The following DOCK2 variants were observed in gnomAD, a reference collection of about 807,000 sequenced individuals.
The protein encoded by DOCK2 is dedicator of cytokinesis 2, also known as dedicator of cytokinesis protein 2.
Under a neutral mutation model 248.9 loss-of-function variants are expected in DOCK2, and 87 were observed. That is an observed-to-expected ratio of 0.35 (90% CI 0.29 to 0.42). The LOEUF (loss-of-function observed/expected upper bound fraction) is 0.42, where lower values mean the gene tolerates loss of function less well. DOCK2 is among the 10% of genes least tolerant of loss of function. The pLI is 1.00. For synonymous variants in DOCK2, 805 were observed against 821.6 expected (o/e 0.98, Z 0.35); for missense variants, 1,747 against 2,300.2 (o/e 0.76, Z 4.92).
intron 27 of DOCK2, among the ~76,000 whole-genome samples, chr5:169,972,902 C>A (rs1777575819): frequency 6.6e-6 from 1 of 152,098 alleles, no homozygotes; most frequent in Non-Finnish European, 1.5e-5. Context: ...TCCAAGCAAC[C>A]ACCCCCCTCC....
At chr5:169,909,403 T>C (rs984802399) in intron 27 of DOCK2, among the ~76,000 whole-genome samples, 1 of 152,202 alleles carries the variant, frequency 6.6e-6, no homozygotes, top group Non-Finnish European at 1.5e-5. Flanking sequence ...TTCAGAAAGA[T>C]GCTATCCAAT....
chr5:170,023,001 C>T (rs1424603044), intron 33 of DOCK2, among the ~76,000 whole-genome samples: 3 of 152,116 alleles, frequency 2.0e-5, no homozygotes, highest in East Asian at 1.9e-4. Flanking sequence ...CCCCTTGCCC[C>T]GAGTACACCA....
intron 25 of DOCK2, among the ~76,000 whole-genome samples, chr5:169,787,951 G>A (rs1766090524): frequency 6.6e-6 from 1 of 151,674 alleles, no homozygotes; most frequent in South Asian, 2.1e-4. Flanking sequence ...TTTTTTTGTA[G>A]GGGGCAGCCG....
chr5:169,772,926 T>A (rs1432783749), intron 25 of DOCK2: 1 of 152,226 alleles, frequency 6.6e-6, no homozygotes, highest in Non-Finnish European at 1.5e-5. Flanking sequence ...CAGTGCCTCA[T>A]GTGCTGGAGC....
At chr5:170,019,504 C>T (rs924336375) in intron 33 of DOCK2, among the ~76,000 whole-genome samples, 4 of 152,128 alleles carry the variant, frequency 2.6e-5, no homozygotes, top group African/African-American at 4.8e-5. Context: ...CTAGAAAACG[C>T]CGGCCCTGCT....
At chr5:169,878,682 A>C (rs1422150570) in intron 27 of DOCK2, among the ~76,000 whole-genome samples, 1 of 152,210 alleles carries the variant, frequency 6.6e-6, no homozygotes, top group Non-Finnish European at 1.5e-5. Flanking sequence ...TAAGTAATTT[A>C]ATGTTATTTA....
intron 27 of DOCK2, among the ~76,000 whole-genome samples, chr5:169,848,229 A>T (rs577049891): frequency 6.6e-6 from 1 of 152,230 alleles, no homozygotes; most frequent in Admixed American, 6.5e-5. Context: ...GCCCTCACAC[A>T]CAGGTAGGCA....
chr5:169,793,291 T>C (rs1766463712), intron 25 of DOCK2, among the ~76,000 whole-genome samples: 1 of 152,178 alleles, frequency 6.6e-6, no homozygotes, highest in Admixed American at 6.5e-5. Flanking sequence ...GTTCATCGAC[T>C]TCCCTCTGTA....
rs570730423 is a variant in DOCK2 at position 169,650,451 on chromosome 5, C to G, written c.44-3952C>G. On this transcript the variant is annotated intron_variant, in intron 1 of 51. Coordinates refer to ENST00000520908, the MANE Select transcript of DOCK2 (RefSeq NM_004946.3). The stretch of plus-strand genomic sequence containing the variant: ...ATTGAACTTATCTCCTAAAATTGCA[C>G]AAAGCACAGAGACCCTTCTTTAGTT... 1.1e-4 allele frequency among the ~76,000 whole-genome samples: 16 copies of G among 152,282 alleles called. No individual in the cohort carries two copies. The South Asian group carries it at 3.3e-3, about 32-fold the overall frequency.
chr5:169,967,263 C>T (rs1269543601), intron 27 of DOCK2, among the ~76,000 whole-genome samples: 1 of 152,128 alleles, frequency 6.6e-6, no homozygotes, highest in Non-Finnish European at 1.5e-5. Flanking sequence ...ATCCCAGAAG[C>T]CTTTCCAGAT....
intron 35 of DOCK2, among the ~76,000 whole-genome samples, chr5:170,035,840 T>G (rs1337508707): frequency 6.6e-6 from 1 of 152,132 alleles, no homozygotes; most frequent in Non-Finnish European, 1.5e-5. Flanking sequence ...AACCAGGATA[T>G]ACACCTGGTG....
chr5:169,811,389 C>T (rs538366454), intron 26 of DOCK2, among the ~76,000 whole-genome samples: 88 of 152,338 alleles, frequency 5.8e-4, no homozygotes, highest in African/African-American at 2.0e-3. Flanking sequence ...GGGTTTTCTT[C>T]TAACCTATCT....
intron 27 of DOCK2, among the ~76,000 whole-genome samples, chr5:169,855,066 C>T (rs568037893): frequency 3.9e-5 from 6 of 152,216 alleles, no homozygotes; most frequent in Non-Finnish European, 7.3e-5. Flanking sequence ...CTCCAGCCTT[C>T]ACCACCTCCT....
chr5:169,987,528 G>A (rs183465002), intron 29 of DOCK2, among the ~76,000 whole-genome samples: 57 of 152,304 alleles, frequency 3.7e-4, no homozygotes, highest in Middle Eastern at 3.4e-3. Flanking sequence ...AGGGTCTTGG[G>A]GTTGGAGCCC....
At chr5:169,898,212 G>A (rs542248432) in intron 27 of DOCK2, among the ~76,000 whole-genome samples, 1 of 152,318 alleles carries the variant, frequency 6.6e-6, no homozygotes, top group East Asian at 1.9e-4. Flanking sequence ...GGCTCCCACA[G>A]CTCTACCCCA....
chr5:169,789,133 G>A (rs1766169497), intron 25 of DOCK2, among the ~76,000 whole-genome samples: 1 of 152,124 alleles, frequency 6.6e-6, no homozygotes, highest in South Asian at 2.1e-4. Context: ...AAGGATAATG[G>A]CCTCCAGCTC....
chr5:170,054,874 C>G (rs1029324952), intron 41 of DOCK2, among the ~76,000 whole-genome samples: 2 of 152,126 alleles, frequency 1.3e-5, no homozygotes. Flanking sequence ...AGTTGTGTGA[C>G]CTTCAACAAG....
At chr5:169,803,490 C>T (rs749074829) in intron 26 of DOCK2, among the ~76,000 whole-genome samples, 8 of 152,326 alleles carry the variant, frequency 5.3e-5, no homozygotes, top group East Asian at 1.9e-4. Flanking sequence ...GGCTTGTCCA[C>T]GTACTCACGC....
intron 1 of DOCK2, among the ~76,000 whole-genome samples, chr5:169,651,686 C>A (rs1757813467): frequency 6.6e-6 from 1 of 152,150 alleles, no homozygotes; most frequent in Admixed American, 6.5e-5. Flanking sequence ...GTGAGGACAC[C>A]AGCAAACTGG....
Sources: gnomAD v4.1 joint callset for allele counts (sites outside exome capture counted in the v4.1 genomes callset) on GRCh38, gnomAD v4.1.1 for gene constraint, MANE v1.5 for transcripts, NCBI Gene and HGNC (gene_info 2026-07-23, HGNC 2026-07-21) for gene names.